The following ZBTB4 variants were observed in gnomAD, a reference collection of about 807,000 sequenced individuals.
ZBTB4 encodes zinc finger and BTB domain containing 4.
A neutral mutation model predicts 59.8 loss-of-function variants in ZBTB4; 14 were observed. That is an observed-to-expected ratio of 0.23 (90% CI 0.15 to 0.37). The LOEUF is 0.37. Among genes scored for constraint, ZBTB4 ranks in the 10% least tolerant of loss-of-function variants. The probability of loss-of-function intolerance (pLI) is 1.00; values close to 1 mark genes in which losing one functional copy is unlikely to be tolerated. For synonymous variants in ZBTB4, 587 were observed against 575.2 expected, an observed-to-expected ratio of 1.02 and a Z score of -0.29; for missense variants, 1,198 against 1,380.8, an observed-to-expected ratio of 0.87 and a Z score of 2.10.
upstream of ZBTB4, among the ~76,000 whole-genome samples, chr17:7,479,959 A>G (rs1173063866): frequency 6.6e-6 from 1 of 151,972 alleles, no homozygotes; most frequent in Non-Finnish European, 1.5e-5. Flanking sequence ...GCCTGAAAGC[A>G]TAACACACAG....
chr17:7,462,609 C>A lies in ZBTB4; in HGVS notation c.2373G>T (p.Arg791=). Residue 791 remains arginine (R), a synonymous_variant, in exon 4 of 4, where the codon CGG becomes CGT. Transcript: ENST00000380599. The surrounding 1 kb of genome is among the most constrained non-coding windows in gnomAD (Gnocchi z 7.5). ...SRHGQRHAAE[R]PGGTPTPVIA... ...TGACAGGGGTTGGGGTGCCCCCGGG[C>A]CGCTCAGCAGCATGCCTCTGCCCGT... The A allele has an allele frequency of 1.9e-6, 3 of 1,609,900 alleles. No individual in the cohort carries two copies. The highest frequency in any genetic ancestry group is 2.5e-6 in the Non-Finnish European group (3 of 1,178,180).
At position 7,466,806 on chromosome 17, in the gene ZBTB4, C is replaced by A; in HGVS notation, c.-5G>T. On this transcript the variant is annotated 5_prime_UTR_variant, in exon 3 of 4. Transcript: ENST00000380599. This position sits in a 1 kb window ranked among gnomAD's most constrained non-coding sequence, Gnocchi z 9.1. ...CACCTCTGCAGGGGGGGGCATGGTG[C>A]CAGCCTAGACAGTGGGAGAAGAGGC... The A allele has an allele frequency of 6.5e-7, 1 of 1,543,924 alleles. No homozygotes were observed. The highest frequency in any genetic ancestry group is 8.7e-7 in the Non-Finnish European group (1 of 1,146,482).
upstream of ZBTB4, among the ~76,000 whole-genome samples, chr17:7,480,486 G>C (rs2070330301): frequency 6.6e-6 from 1 of 152,108 alleles, no homozygotes; most frequent in South Asian, 2.1e-4. Context: ...TTGGGAGGCC[G>C]AGGTGGGCGG....
upstream of ZBTB4, among the ~76,000 whole-genome samples, chr17:7,479,978 G>A (rs924283996): frequency 1.3e-5 from 2 of 152,004 alleles, no homozygotes; most frequent in African/African-American, 4.8e-5. Context: ...AGGCTCTCAG[G>A]GTGCAGACAT....
chr17:7,482,342 A>T, upstream of ZBTB4: 2 of 1,613,978 alleles, frequency 1.2e-6, no homozygotes, highest in Non-Finnish European at 1.7e-6. Flanking sequence ...ATGTGCCTAC[A>T]GTGCGGTTCA....
chr17:7,461,761 C>A lies in ZBTB4; in HGVS notation c.*179G>T. On this transcript the variant is annotated 3_prime_UTR_variant, in exon 4 of 4. Coordinates refer to ENST00000380599, the MANE Select transcript of ZBTB4 (RefSeq NM_001128833.2). ...AGGGGAACCTCGAAAGATCCCTTCC[C>A]AGGAGATGGGAAAACTACATCTCAC... 1.9e-6 allele frequency: 1 copy of A among 518,244 alleles called. No homozygotes were observed. The highest frequency in any genetic ancestry group is 3.4e-6 in the Non-Finnish European group (1 of 295,754). 32.1% of individuals were successfully genotyped at this position (518,244 alleles called of 1,614,324 possible).
intron 1 of ZBTB4, among the ~76,000 whole-genome samples, chr17:7,478,337 G>T (rs563767022): frequency 8.5e-5 from 13 of 152,142 alleles, no homozygotes; most frequent in African/African-American, 3.1e-4. Flanking sequence ...TGACCCACAG[G>T]CCCCTGAGAC....
Position 7,466,379 on chromosome 17 carries a change from G to T in ZBTB4, c.423C>A (p.Asn141Lys). 6.2e-7 allele frequency: 1 copy of T among 1,614,122 alleles called. No individual in the cohort carries two copies. The highest frequency in any genetic ancestry group is 8.5e-7 in the Non-Finnish European group (1 of 1,180,010). The change falls in exon 3 of 4, where the codon AAC (asparagine) becomes AAA (lysine). Residue 141 changes from asparagine (N) to lysine (K), a missense_variant. Physicochemically the swap from Asn to Lys is moderately conservative, Grantham distance 94. Transcript: ENST00000380599. The surrounding 1 kb of genome is among the most constrained non-coding windows in gnomAD (Gnocchi z 9.1). Reference protein sequence around the residue: ...VPAAAFSDVLNFIYSARLALP... With the variant: ...VPAAAFSDVLKFIYSARLALP... ...GTGCGAGCCGGGCGCTGTAGATGAAGTTGAGGACATCAGAAAACGCAGCTG... is the reference window on the plus strand; with the variant it reads ...GTGCGAGCCGGGCGCTGTAGATGAATTTGAGGACATCAGAAAACGCAGCTG...
At chr17:7,475,485 C>T (rs939146172) in intron 1 of ZBTB4, among the ~76,000 whole-genome samples, 2 of 152,170 alleles carry the variant, frequency 1.3e-5, no homozygotes, top group Admixed American at 1.3e-4. Flanking sequence ...TTTATATTAT[C>T]CTGTTGCCCA....
chr17:7,469,832 C>T (rs893850042), intron 1 of ZBTB4, among the ~76,000 whole-genome samples: 1 of 151,820 alleles, frequency 6.6e-6, no homozygotes, highest in Non-Finnish European at 1.5e-5. Context: ...ACCTGTAATC[C>T]TAGCAGTTTG....
chr17:7,473,396 T>A (rs987570274), intron 1 of ZBTB4, among the ~76,000 whole-genome samples: 1 of 151,862 alleles, frequency 6.6e-6, no homozygotes, highest in African/African-American at 2.4e-5. Context: ...ATTACAGGCA[T>A]GAGCCACCGC....
At chr17:7,473,921 G>C (rs1391771534) in intron 1 of ZBTB4, among the ~76,000 whole-genome samples, 2 of 151,134 alleles carry the variant, frequency 1.3e-5, no homozygotes, top group Non-Finnish European at 3.0e-5. Context: ...GTTTTGTTTT[G>C]TTTTTGAGAT....
At chr17:7,465,648 C>T (rs1273909277) in intron 3 of ZBTB4, 63 bp downstream of exon 3, 7 of 1,531,610 alleles carry the variant, frequency 4.6e-6, no homozygotes, top group African/African-American at 4.1e-5. Context: ...CACTGCCGCC[C>T]TTGTTCCTAT....
intron 1 of ZBTB4, among the ~76,000 whole-genome samples, chr17:7,468,374 A>C (rs1440988277): frequency 5.9e-5 from 6 of 101,306 alleles, no homozygotes; most frequent in Non-Finnish European, 4.7e-5. Flanking sequence ...ACTCCGTCTC[A>C]AAAAAAAACC....
chr17:7,477,922 A>G (rs1408980186), intron 1 of ZBTB4, among the ~76,000 whole-genome samples: 2 of 152,118 alleles, frequency 1.3e-5, no homozygotes, highest in African/African-American at 4.8e-5. Context: ...GCAAACATAC[A>G]GACCCTGCAA....
At chr17:7,474,462 A>G (rs1373836112) in intron 1 of ZBTB4, among the ~76,000 whole-genome samples, 1 of 151,856 alleles carries the variant, frequency 6.6e-6, no homozygotes, top group Non-Finnish European at 1.5e-5. Flanking sequence ...CAAGCAATTC[A>G]CCGCCTTGGA....
rs891208844 is a variant in ZBTB4 at position 7,462,281 on chromosome 17, C to T, written c.2701G>A (p.Ala901Thr). The T allele has an allele frequency of 6.2e-7, 1 of 1,613,656 alleles. No individual in the cohort carries two copies. Among genetic ancestry groups the T allele is most frequent in the African/African-American group, 1.3e-5 (1 of 74,866 alleles). ...GKSGSEGPVGAGEGDRMEGIG... is the reference protein window; with the variant it reads ...GKSGSEGPVGTGEGDRMEGIG... ...CCCTCCATCCGGTCCCCCTCACCAG[C>T]CCCCACTGGCCCTTCACTCCCAGAT... Residue 901 changes from alanine (A) to threonine (T), a missense_variant, in exon 4 of 4, where the codon GCT becomes ACT. By Grantham distance (58) the Ala-to-Thr change is moderately conservative. Transcript: ENST00000380599. This position sits in a 1 kb window ranked among gnomAD's most constrained non-coding sequence, Gnocchi z 7.5.
At chr17:7,473,765 G>T (rs2070231677) in intron 1 of ZBTB4, among the ~76,000 whole-genome samples, 1 of 151,988 alleles carries the variant, frequency 6.6e-6, no homozygotes, top group Non-Finnish European at 1.5e-5. Flanking sequence ...CCCAGGGCTG[G>T]TATTGAAATC....
intron 1 of ZBTB4, among the ~76,000 whole-genome samples, chr17:7,474,991 G>A (rs111324067): frequency 0.072 from 9,071 of 126,198 alleles, 388 homozygotes; most frequent in South Asian, 0.16. Flanking sequence ...CAGCCTGGGC[G>A]ACAGAGTGAG....
Sources: gnomAD v4.1 joint callset for allele counts (sites outside exome capture counted in the v4.1 genomes callset) on GRCh38, gnomAD v4.1.1 for gene constraint, Gnocchi (gnomAD v3.1) non-coding constraint, MANE v1.5 for transcripts, NCBI Gene and HGNC (gene_info 2026-07-23, HGNC 2026-07-21) for gene names.